Variants in CIMIP6 observed in about 807,000 individuals in gnomAD.
The protein encoded by CIMIP6 is uncharacterized protein C2orf73.
the CIMIP6 span, among the ~76,000 whole-genome samples, chr2:54,351,388 C>G: frequency 6.6e-6 from 1 of 152,206 alleles, no homozygotes; most frequent in African/African-American, 2.4e-5. Flanking sequence ...TGCCCATCAA[C>G]TGTAGACTGC....
the CIMIP6 span, among the ~76,000 whole-genome samples, chr2:54,335,790 A>G: frequency 6.6e-6 from 1 of 152,200 alleles, no homozygotes. Flanking sequence ...TGCCAGGCCT[A>G]GTTCTTTCTG....
chr2:54,331,418 A>C, the CIMIP6 span, among the ~76,000 whole-genome samples: 2 of 152,040 alleles, frequency 1.3e-5, no homozygotes, highest in Non-Finnish European at 2.9e-5. Flanking sequence ...ACCCCTCTGC[A>C]GCCTCCTCGA....
chr2:54,379,780 A>T, the CIMIP6 span, among the ~76,000 whole-genome samples: 1 of 151,858 alleles, frequency 6.6e-6, no homozygotes. Context: ...GTTTGAGACC[A>T]GCCTGACCAA....
chr2:54,346,411 C>G, the CIMIP6 span, among the ~76,000 whole-genome samples: 1 of 152,130 alleles, frequency 6.6e-6, no homozygotes, highest in African/African-American at 2.4e-5. Flanking sequence ...TTTCTCTAAC[C>G]CTGGCTTATT....
chr2:54,348,086 A>G, the CIMIP6 span, among the ~76,000 whole-genome samples: 1 of 152,226 alleles, frequency 6.6e-6, no homozygotes, highest in African/African-American at 2.4e-5. Context: ...TGAATTTGCC[A>G]TGTTTAACTG....
chr2:54,341,600 A>C, the CIMIP6 span, among the ~76,000 whole-genome samples: 1 of 152,208 alleles, frequency 6.6e-6, no homozygotes, highest in African/African-American at 2.4e-5. Flanking sequence ...ATTCCACAGC[A>C]GGTTTGATAC....
At chr2:54,372,998 G>A in the CIMIP6 span, among the ~76,000 whole-genome samples, 7 of 151,898 alleles carry the variant, frequency 4.6e-5, no homozygotes, top group African/African-American at 7.3e-5. Flanking sequence ...CCACTGCCCC[G>A]CCTTCCATAG....
chr2:54,360,401 A>C, the CIMIP6 span: 1 of 1,606,966 alleles, frequency 6.2e-7, no homozygotes, highest in South Asian at 1.1e-5. Context: ...GTTAGAGCCT[A>C]AAACTCACTT....
the CIMIP6 span, among the ~76,000 whole-genome samples, chr2:54,353,999 A>T: frequency 6.6e-6 from 1 of 152,136 alleles, no homozygotes; most frequent in African/African-American, 2.4e-5. Flanking sequence ...TTCCATAATT[A>T]GGTCTTTAAT....
At chr2:54,352,641 G>C in the CIMIP6 span, among the ~76,000 whole-genome samples, 1 of 152,238 alleles carries the variant, frequency 6.6e-6, no homozygotes, top group African/African-American at 2.4e-5. Context: ...TCATCCCTCA[G>C]TAACCAGGGG....
At chr2:54,373,505 C>A in the CIMIP6 span, among the ~76,000 whole-genome samples, 1 of 152,142 alleles carries the variant, frequency 6.6e-6, no homozygotes, top group Non-Finnish European at 1.5e-5. Flanking sequence ...TGTCTCTATA[C>A]TTGTTCCAGG....
the CIMIP6 span, among the ~76,000 whole-genome samples, chr2:54,350,069 T>C: frequency 2.0e-5 from 3 of 152,196 alleles, no homozygotes; most frequent in Non-Finnish European, 4.4e-5. Flanking sequence ...TTGGCCAGGC[T>C]ACTCTTGAAC....
chr2:54,366,592 C>T, the CIMIP6 span, among the ~76,000 whole-genome samples: 12 of 152,140 alleles, frequency 7.9e-5, no homozygotes, highest in Non-Finnish European at 1.5e-5. Context: ...AGTGAAACCA[C>T]AGAATATCAC....
chr2:54,335,683 T>G, the CIMIP6 span, among the ~76,000 whole-genome samples: 1 of 152,238 alleles, frequency 6.6e-6, no homozygotes, highest in Non-Finnish European at 1.5e-5. Flanking sequence ...AGTTTCCTAT[T>G]GCTGATGTTA....
the CIMIP6 span, among the ~76,000 whole-genome samples, chr2:54,367,782 A>G: frequency 6.6e-6 from 1 of 152,202 alleles, no homozygotes; most frequent in Non-Finnish European, 1.5e-5. Flanking sequence ...GTCCGGTGCT[A>G]TTCTATGGCC....
chr2:54,368,416 G>T, the CIMIP6 span, among the ~76,000 whole-genome samples: 19 of 152,222 alleles, frequency 1.2e-4, no homozygotes, highest in Non-Finnish European at 2.1e-4. Context: ...ATGTCTGCTT[G>T]CAGTCTCCTC....
the CIMIP6 span, among the ~76,000 whole-genome samples, chr2:54,363,167 T>C: frequency 6.6e-6 from 1 of 152,216 alleles, no homozygotes; most frequent in Admixed American, 6.5e-5. Context: ...TATTGTACTT[T>C]TTCCCAAATG....
the CIMIP6 span, among the ~76,000 whole-genome samples, chr2:54,345,455 G>A: frequency 0.78 from 118,292 of 152,108 alleles, 46,087 homozygotes; most frequent in Non-Finnish European, 0.8. Context: ...TATCTTTTAC[G>A]TAGGAATTTC....
chr2:54,331,139 G>C, the CIMIP6 span: 2 of 779,324 alleles, frequency 2.6e-6, no homozygotes, highest in Admixed American at 5.3e-5. Context: ...AGTTGGCTGA[G>C]CGCTTACAAC....
Sources: gnomAD v4.1 joint callset for allele counts (sites outside exome capture counted in the v4.1 genomes callset) on GRCh38, gnomAD v4.1.1 for gene constraint, MANE v1.5 for transcripts, NCBI Gene and HGNC (gene_info 2026-07-23, HGNC 2026-07-21) for gene names.